The following NBDY variants were observed in gnomAD, a reference collection of about 807,000 sequenced individuals.
NBDY encodes the protein negative regulator of P-body association.
chrX:56,782,575 G>A (rs1459463038), intron 2 of NBDY, among the ~76,000 whole-genome samples: 1 of 111,953 alleles, frequency 8.9e-6, no homozygotes, highest in Non-Finnish European at 1.9e-5. Flanking sequence ...CTTCCCACAT[G>A]TTGCTTTTAA....
At chrX:56,740,090 G>A (rs978398576) in intron 2 of NBDY, among the ~76,000 whole-genome samples, 2 of 110,883 alleles carry the variant, frequency 1.8e-5, no homozygotes, top group Non-Finnish European at 3.8e-5. Flanking sequence ...TTAGTGACTG[G>A]CTGCCCATTC....
intron 2 of NBDY, among the ~76,000 whole-genome samples, chrX:56,760,856 C>T (rs949164358): frequency 1.8e-5 from 2 of 111,705 alleles, no homozygotes; most frequent in African/African-American, 6.5e-5. Context: ...AATGAACCAG[C>T]CTATCCTCAA....
intron 2 of NBDY, among the ~76,000 whole-genome samples, chrX:56,751,610 C>G (rs998326798): frequency 1.3e-4 from 15 of 111,784 alleles, no homozygotes; most frequent in Non-Finnish European, 2.8e-4. Context: ...GTAAACAACA[C>G]CTAGATCAAA....
chrX:56,753,847 T>C (rs1041348251), intron 2 of NBDY, among the ~76,000 whole-genome samples: 4 of 111,201 alleles, frequency 3.6e-5, no homozygotes, highest in Non-Finnish European at 5.7e-5. Context: ...GTGACTTTGG[T>C]AAGAGAAGAT....
chrX:56,745,838 GATTA>G (rs2069554791), intron 2 of NBDY, among the ~76,000 whole-genome samples: 1 of 45,694 alleles, frequency 2.2e-5, no homozygotes, highest in Non-Finnish European at 5.2e-5. Context: ...GTTTTCCCAT[GATTA>G]GTTTAAGCGT....
intron 2 of NBDY, among the ~76,000 whole-genome samples, chrX:56,743,169 T>C (rs2069539597): frequency 9.0e-6 from 1 of 111,625 alleles, no homozygotes; most frequent in South Asian, 3.7e-4. Context: ...CACTTGGTCA[T>C]GATGAATAAT....
intron 2 of NBDY, among the ~76,000 whole-genome samples, chrX:56,797,744 G>A (rs2069800643): frequency 9.0e-6 from 1 of 111,068 alleles, no homozygotes. Flanking sequence ...GTACAGTCAG[G>A]CTGTCTCTGC....
chrX:56,795,374 C>A (rs755878049), intron 2 of NBDY, among the ~76,000 whole-genome samples: 1 of 111,803 alleles, frequency 8.9e-6, no homozygotes, highest in South Asian at 3.8e-4. Context: ...CATAAGAAAG[C>A]CTGACGTGGT....
At position 56,789,408 on chromosome X, in the gene NBDY, G is replaced by T. The variant is rs750189909; in HGVS notation, c.*167-27912G>T. Among the ~76,000 whole-genome samples, 204 of 112,151 alleles carry T rather than the reference G, an allele frequency of 1.8e-3. 1 individual carries two copies. The highest frequency in any genetic ancestry group is 6.3e-3 in the African/African-American group (193 of 30,876). On this transcript the variant is annotated intron_variant, in intron 2 of 2. Transcript: ENST00000374922. ...GTACAGGAGAGGGATGTGTGAGTGT[G>T]TGGGCCTGCATGCAGGCCACTGCAG... is the stretch of plus-strand genomic sequence containing the variant.
At chrX:56,763,124 C>T (rs1349735711) in intron 2 of NBDY, among the ~76,000 whole-genome samples, 1 of 112,805 alleles carries the variant, frequency 8.9e-6, no homozygotes, top group Non-Finnish European at 1.9e-5. Context: ...TCCTGAGAAT[C>T]AATGTGGGAA....
chrX:56,761,438 T>C (rs747692575), intron 2 of NBDY, among the ~76,000 whole-genome samples: 4 of 113,315 alleles, frequency 3.5e-5, no homozygotes, highest in African/African-American at 9.6e-5. Flanking sequence ...CAGGCCTCTG[T>C]GCACATGCAG....
chrX:56,733,016 T>C (rs757125608), intron 2 of NBDY, among the ~76,000 whole-genome samples: 2 of 111,402 alleles, frequency 1.8e-5, no homozygotes, highest in South Asian at 7.4e-4. Context: ...TTATTGTTCT[T>C]TTTCTAATTT....
intron 2 of NBDY, among the ~76,000 whole-genome samples, chrX:56,733,690 CT>C (rs2069471397): frequency 8.9e-6 from 1 of 111,893 alleles, no homozygotes; most frequent in African/African-American, 3.3e-5. Context: ...AATTAAGGGA[CT>C]TTCCTTGTTT....
At chrX:56,792,575 C>T (rs990419601) in intron 2 of NBDY, among the ~76,000 whole-genome samples, 4 of 110,629 alleles carry the variant, frequency 3.6e-5, no homozygotes. Context: ...CACAAACATT[C>T]ATGTCAAATA....
At chrX:56,800,910 T>C (rs779418101) in intron 2 of NBDY, among the ~76,000 whole-genome samples, 1 of 110,663 alleles carries the variant, frequency 9.0e-6, no homozygotes, top group Non-Finnish European at 1.9e-5. Context: ...GGTGGCTCAT[T>C]ACCTCCTTTC....
intron 2 of NBDY, among the ~76,000 whole-genome samples, chrX:56,793,097 C>T (rs953585426): frequency 8.9e-5 from 10 of 111,828 alleles, no homozygotes; most frequent in Non-Finnish European, 1.3e-4. Context: ...GAGTGTCCCC[C>T]GTGAGGGAGA....
chrX:56,804,700 T>C (rs1165684810), intron 2 of NBDY, among the ~76,000 whole-genome samples: 1 of 112,005 alleles, frequency 8.9e-6, no homozygotes, highest in Non-Finnish European at 1.9e-5. Context: ...AGCTGAATTC[T>C]ATTGCTTGTC....
rs137999639 is a variant in NBDY, at chrX:56,741,420, C to A, written c.*166+9221C>A. Among the ~76,000 whole-genome samples, 313 of 111,629 alleles carry A rather than the reference C, an allele frequency of 2.8e-3. 2 individuals carry two copies. The highest frequency in any genetic ancestry group is 9.8e-3 in the African/African-American group (301 of 30,854). On this transcript the variant is annotated intron_variant, in intron 2 of 2. Coordinates refer to ENST00000374922, the MANE Select transcript of NBDY (RefSeq NM_001348129.2). Reference sequence around the variant, plus strand: ...TTAGTTTTTTGAGGAATCTTCAAATCGTTCTCCATTGTGGTTGTACTAATT... The same window carrying A: ...TTAGTTTTTTGAGGAATCTTCAAATAGTTCTCCATTGTGGTTGTACTAATT...
At chrX:56,747,285 T>C (rs1313522561) in intron 2 of NBDY, among the ~76,000 whole-genome samples, 1 of 111,759 alleles carries the variant, frequency 8.9e-6, no homozygotes, top group Non-Finnish European at 1.9e-5. Flanking sequence ...TAGATAGAGA[T>C]TGGCACAGAG....
Sources: gnomAD v4.1 joint callset for allele counts (sites outside exome capture counted in the v4.1 genomes callset) on GRCh38, gnomAD v4.1.1 for gene constraint, MANE v1.5 for transcripts, NCBI Gene and HGNC (gene_info 2026-07-23, HGNC 2026-07-21) for gene names.